PTPRM: variants seen among roughly 807,000 people sequenced by gnomAD.
The protein encoded by PTPRM is protein tyrosine phosphatase receptor type M.
Under a neutral mutation model 186.7 loss-of-function variants are expected in PTPRM, and 47 were observed. That is an observed-to-expected ratio of 0.25 (90% CI 0.20 to 0.32). The LOEUF is 0.32. Among genes scored for constraint, PTPRM ranks in the 10% least tolerant of loss-of-function variants. PTPRM has a pLI of 1.00. For synonymous variants in PTPRM, 668 were observed against 674.9 expected, an observed-to-expected ratio of 0.99 and a Z score of 0.16; for missense variants, 1,494 against 1,865.0, an observed-to-expected ratio of 0.80 and a Z score of 3.66.
chr18:7,812,504 C>G (rs894772126), intron 2 of PTPRM, among the ~76,000 whole-genome samples: 3 of 152,134 alleles, frequency 2.0e-5, no homozygotes, highest in African/African-American at 7.2e-5. Flanking sequence ...GGTTTAAGCA[C>G]AGGAGGGGCA....
intron 1 of PTPRM, among the ~76,000 whole-genome samples, chr18:7,714,049 C>A (rs569138053): frequency 6.6e-6 from 1 of 152,144 alleles, no homozygotes; most frequent in African/African-American, 2.4e-5. Context: ...AACTGTCCCC[C>A]CAAATCAACA....
At chr18:7,922,999 G>A (rs1315766502) in intron 4 of PTPRM, among the ~76,000 whole-genome samples, 7 of 152,130 alleles carry the variant, frequency 4.6e-5, no homozygotes, top group Non-Finnish European at 7.3e-5. Flanking sequence ...TTTTAGCAGT[G>A]TCTCTAGCCT....
At chr18:8,370,839 C>T (rs1307627211) in intron 23 of PTPRM, 51 bp from the exon 24 acceptor site, 22 of 1,176,014 alleles carry the variant, frequency 1.9e-5, no homozygotes, top group Non-Finnish European at 2.6e-5. Flanking sequence ...ATGGGAGGAA[C>T]TCCAAAAAAA....
chr18:8,390,200 A>T (rs953323704), intron 31 of PTPRM, among the ~76,000 whole-genome samples: 1 of 152,210 alleles, frequency 6.6e-6, no homozygotes, highest in Non-Finnish European at 1.5e-5. Context: ...CAAAGATGCC[A>T]TTGCAACGCA....
intron 1 of PTPRM, among the ~76,000 whole-genome samples, chr18:7,755,926 T>C (rs2041466440): frequency 6.6e-6 from 1 of 152,188 alleles, no homozygotes; most frequent in Non-Finnish European, 1.5e-5. Context: ...CAGGGGTAAG[T>C]TGCACAACTT....
chr18:7,690,744 A>AC (rs2039713605), intron 1 of PTPRM, among the ~76,000 whole-genome samples: 1 of 152,148 alleles, frequency 6.6e-6, no homozygotes, highest in African/African-American at 2.4e-5. Context: ...TATGGTTGTT[A>AC]CCTAAAGTTC....
At chr18:8,258,838 C>CT (rs939977025) in intron 19 of PTPRM, among the ~76,000 whole-genome samples, 8 of 151,700 alleles carry the variant, frequency 5.3e-5, no homozygotes, top group Non-Finnish European at 1.0e-4. Flanking sequence ...GTATCAAAGA[C>CT]TGAAGTAACT....
intron 1 of PTPRM, among the ~76,000 whole-genome samples, chr18:7,592,533 A>T (rs1376462978): frequency 6.6e-6 from 1 of 151,714 alleles, no homozygotes; most frequent in Non-Finnish European, 1.5e-5. Flanking sequence ...GGGGAAAATC[A>T]CTCCTGTCTC....
intron 1 of PTPRM, among the ~76,000 whole-genome samples, chr18:7,666,954 T>G (rs562160481): frequency 1.2e-4 from 19 of 152,248 alleles, no homozygotes; most frequent in Admixed American, 2.6e-4. Context: ...AGTGTGCCAC[T>G]CCAGGCCATG....
At chr18:8,000,780 A>G (rs765845756) in intron 7 of PTPRM, among the ~76,000 whole-genome samples, 2 of 152,226 alleles carry the variant, frequency 1.3e-5, no homozygotes, top group Non-Finnish European at 2.9e-5. Context: ...TCAGTTCTGG[A>G]TGGCAGTGCA....
At position 8,244,145 on chromosome 18, in the gene PTPRM, T is replaced by G; in HGVS notation, c.2388T>G (p.Ala796=). The change falls in exon 15 of 33, where the codon GCT becomes GCG. Residue 796 remains alanine, a synonymous_variant. Transcript: ENST00000580170. ...VMVNSMDKSY[A]EQGTNCDEAF... is the part of the protein sequence containing the mutation. ...TGAACTCAATGGACAAGAGCTATGC[T>G]GAGCAGGGCACAAACTGCGACGAGG... is the stretch of plus-strand genomic sequence containing the variant. 6.2e-7 allele frequency: 1 copy of G among 1,607,276 alleles called. No individual in the cohort carries two copies. The highest frequency in any genetic ancestry group is 8.5e-7 in the Non-Finnish European group (1 of 1,177,780).
intron 3 of PTPRM, among the ~76,000 whole-genome samples, chr18:7,899,176 A>G (rs1476617322): frequency 1.3e-5 from 2 of 152,218 alleles, no homozygotes; most frequent in Admixed American, 1.3e-4. Context: ...CAACGTTACC[A>G]AAAAGAAGCA....
At chr18:7,791,269 A>G (rs2043330681) in intron 2 of PTPRM, among the ~76,000 whole-genome samples, 2 of 152,188 alleles carry the variant, frequency 1.3e-5, no homozygotes, top group South Asian at 4.1e-4. Flanking sequence ...AACTTTCCAA[A>G]GAAAAGGAAA....
chr18:8,185,641 C>T (rs533239226), intron 14 of PTPRM, among the ~76,000 whole-genome samples: 30 of 152,238 alleles, frequency 2.0e-4, no homozygotes, highest in African/African-American at 5.8e-4. Context: ...CTCTATGACC[C>T]GTCTTTGTGT....
At chr18:7,768,666 G>A (rs1251941141) in intron 1 of PTPRM, among the ~76,000 whole-genome samples, 7 of 141,354 alleles carry the variant, frequency 5.0e-5, no homozygotes, top group Non-Finnish European at 7.6e-5. Flanking sequence ...TTTTTTTTGA[G>A]TTGGAGTTTC....
At chr18:8,256,892 TA>T (rs1471030725) in intron 19 of PTPRM, among the ~76,000 whole-genome samples, 1 of 152,244 alleles carries the variant, frequency 6.6e-6, no homozygotes, top group Non-Finnish European at 1.5e-5. Context: ...ATAATCCTCC[TA>T]AAAAATTATT....
chr18:8,267,836 G>GA (rs11393735), intron 19 of PTPRM, among the ~76,000 whole-genome samples: 13,940 of 152,058 alleles, frequency 0.092, 684 homozygotes, highest in Middle Eastern at 0.17. Context: ...TTTGATGAGT[G>GA]AAAAAAGATT....
chr18:7,610,100 A>G (rs920909328), intron 1 of PTPRM, among the ~76,000 whole-genome samples: 2 of 152,204 alleles, frequency 1.3e-5, no homozygotes, highest in African/African-American at 4.8e-5. Flanking sequence ...GGGCATTTTG[A>G]AAAGCTGATA....
intron 19 of PTPRM, among the ~76,000 whole-genome samples, chr18:8,269,303 A>G (rs1431633420): frequency 3.3e-5 from 5 of 152,004 alleles, no homozygotes; most frequent in Non-Finnish European, 2.9e-5. Context: ...AGCATCAAAA[A>G]GAATAAAAAT....
Sources: gnomAD v4.1 joint callset for allele counts (sites outside exome capture counted in the v4.1 genomes callset) on GRCh38, gnomAD v4.1.1 for gene constraint, MANE v1.5 for transcripts, NCBI Gene and HGNC (gene_info 2026-07-23, HGNC 2026-07-21) for gene names.